Variants in ZMIZ1 observed in about 807,000 individuals in gnomAD.
ZMIZ1 encodes the protein zinc finger MIZ domain-containing protein 1.
In ZMIZ1, 17 loss-of-function variants were observed where a neutral mutation model predicts 113.9. The observed-to-expected ratio is 0.15, with a 90% CI of 0.10 to 0.22. The LOEUF (loss-of-function observed/expected upper bound fraction) is 0.22. Among genes scored for constraint, ZMIZ1 ranks in the 10% least tolerant of loss-of-function variants. ZMIZ1 has a pLI of 1.00. For missense variants in ZMIZ1, 1,059 were observed against 1,477.8 expected, an observed-to-expected ratio of 0.72 and a Z score of 4.65; for synonymous variants, 607 against 603.1, an observed-to-expected ratio of 1.01 and a Z score of -0.09.
chr10:79,185,507 TC>T (rs1469114376), intron 4 of ZMIZ1, among the ~76,000 whole-genome samples: 2 of 148,982 alleles, frequency 1.3e-5, no homozygotes, highest in African/African-American at 5.1e-5. Flanking sequence ...GACTTCTACA[TC>T]TTTTTTTTTT....
At chr10:79,221,870 GC>G (rs1213681300) in intron 7 of ZMIZ1, among the ~76,000 whole-genome samples, 2 of 152,272 alleles carry the variant, frequency 1.3e-5, no homozygotes, top group East Asian at 3.8e-4. Flanking sequence ...GAGCCCGAAT[GC>G]CTGCTGCCTT....
At chr10:79,155,343 CT>C (rs1845867398) in intron 3 of ZMIZ1, among the ~76,000 whole-genome samples, 1 of 152,196 alleles carries the variant, frequency 6.6e-6, no homozygotes, top group Non-Finnish European at 1.5e-5. Flanking sequence ...AGTTCCAGGT[CT>C]GATGCAAACT....
chr10:79,223,825 C>T (rs1849090958), intron 7 of ZMIZ1, among the ~76,000 whole-genome samples: 1 of 152,198 alleles, frequency 6.6e-6, no homozygotes, highest in Non-Finnish European at 1.5e-5. Context: ...TGGCCTCCGT[C>T]CCCTCCCCCA....
intron 7 of ZMIZ1, among the ~76,000 whole-genome samples, chr10:79,262,454 C>A (rs1001973626): frequency 8.5e-5 from 13 of 152,384 alleles, no homozygotes; most frequent in African/African-American, 3.1e-4. Flanking sequence ...ATCCAGACAT[C>A]ACCCCAAGTG....
intron 7 of ZMIZ1, among the ~76,000 whole-genome samples, chr10:79,229,348 G>C (rs1426635710): frequency 6.6e-6 from 1 of 152,256 alleles, no homozygotes; most frequent in Non-Finnish European, 1.5e-5. Context: ...ACAGAACCCA[G>C]AGCTCGGGAA....
rs147729709 is a variant in ZMIZ1, at chr10:79,133,626, A to G, written c.-226-6056A>G. On this transcript the variant is annotated intron_variant, in intron 2 of 24. Coordinates refer to ENST00000334512, the MANE Select transcript of ZMIZ1 (RefSeq NM_020338.4). ...CGCATGCCTGGCCTGAAATAGACAC[A>G]TGGGGACCTTGGTAGTGCATTTTCA... is the stretch of plus-strand genomic sequence containing the variant. 7.2e-4 allele frequency among the ~76,000 whole-genome samples: 109 copies of G among 152,182 alleles called. 1 individual carries two copies. The highest frequency in any genetic ancestry group is 2.3e-3 in the African/African-American group (96 of 41,520).
intron 4 of ZMIZ1, among the ~76,000 whole-genome samples, chr10:79,186,952 T>C (rs991467370): frequency 5.3e-5 from 8 of 152,298 alleles, no homozygotes; most frequent in South Asian, 4.1e-4. Flanking sequence ...CCCTTGGCCC[T>C]TGGCACCTGG....
intron 2 of ZMIZ1, among the ~76,000 whole-genome samples, chr10:79,129,321 A>C (rs775750886): frequency 3.9e-5 from 6 of 152,178 alleles, no homozygotes; most frequent in Non-Finnish European, 7.3e-5. Context: ...TGGTTTTAGC[A>C]TGGAAAATTC....
chr10:79,116,433 C>T (rs897714208), intron 1 of ZMIZ1, among the ~76,000 whole-genome samples: 2 of 152,090 alleles, frequency 1.3e-5, no homozygotes, highest in Admixed American at 1.3e-4. Context: ...ATATGGACAC[C>T]CAGGCAAGGC....
intron 16 of ZMIZ1, among the ~76,000 whole-genome samples, chr10:79,299,578 G>T (rs1250551): frequency 0.29 from 43,841 of 152,192 alleles, 7,257 homozygotes; most frequent in East Asian, 0.41. Flanking sequence ...TGGTGCAAGG[G>T]CCAGGCCGGG....
rs184830162 is a variant in ZMIZ1, at chr10:79,152,623, C to T, written c.-130-9430C>T. Among the ~76,000 whole-genome samples, 12 of 152,364 alleles carry T rather than the reference C, an allele frequency of 7.9e-5. No individual in the cohort carries two copies. In the South Asian group the frequency reaches 1.0e-3, roughly 13 times the overall value. On this transcript the variant is annotated intron_variant, in intron 3 of 24. Transcript: ENST00000334512. ...ATGGCCTCAGACGGGCTGCTTTCTC[C>T]GCCCTGCCCGGATCCCCAGGCAGCA...
chr10:79,181,990 G>A (rs1332957487), intron 4 of ZMIZ1, among the ~76,000 whole-genome samples: 1 of 152,210 alleles, frequency 6.6e-6, no homozygotes, highest in Non-Finnish European at 1.5e-5. Flanking sequence ...AGGAGGAGGA[G>A]CCAGGACTCA....
At position 79,293,429 on chromosome 10, in the gene ZMIZ1, C is replaced by A; in HGVS notation, c.1006C>A (p.Pro336Thr). The A allele has an allele frequency of 6.5e-7, 1 of 1,527,004 alleles. No homozygotes were observed. 94.6% of individuals were successfully genotyped at this position (1,527,004 alleles called of 1,614,324 possible). A position where few individuals can be genotyped will look rare whatever the true frequency, so the allele number is the denominator to read the frequency against. Residue 336 changes from proline (P) to threonine (T), a missense_variant, in exon 12 of 25, where the codon CCG becomes ACG. Pro to Thr is a conservative substitution (Grantham distance 38). Coordinates refer to ENST00000334512, the MANE Select transcript of ZMIZ1 (RefSeq NM_020338.4). Reference sequence around the variant, plus strand: ...CAGCCAATTCATGAACCAGCCCGGGCCGCGGGGGCCTGCCTCCATGGGGGG... The same window carrying A: ...CAGCCAATTCATGAACCAGCCCGGGACGCGGGGGCCTGCCTCCATGGGGGG... ...YNSQFMNQPGPRGPASMGGSM... is the reference protein window; with the variant it reads ...YNSQFMNQPGTRGPASMGGSM...
At chr10:79,218,898 C>T (rs997086574) in intron 7 of ZMIZ1, among the ~76,000 whole-genome samples, 10 of 151,804 alleles carry the variant, frequency 6.6e-5, no homozygotes, top group Non-Finnish European at 1.3e-4. Flanking sequence ...ATGGCAAAGG[C>T]GAGGCTGGAG....
chr10:79,281,200 C>T (rs182517339), intron 8 of ZMIZ1, among the ~76,000 whole-genome samples: 97 of 152,230 alleles, frequency 6.4e-4, no homozygotes, highest in Middle Eastern at 6.8e-3. Flanking sequence ...TGTTCGGTCC[C>T]GGGGTTAAAC....
At chr10:79,275,448 C>T (rs1303419422) in intron 7 of ZMIZ1, among the ~76,000 whole-genome samples, 1 of 152,220 alleles carries the variant, frequency 6.6e-6, no homozygotes, top group Non-Finnish European at 1.5e-5. Context: ...CTTTGTGTAC[C>T]ACACAAGCTG....
chr10:79,275,172 G>A lies in ZMIZ1; in HGVS notation c.281-2009G>A, dbSNP rs891623411. Among the ~76,000 whole-genome samples the A allele has an allele frequency of 3.3e-5, 5 of 152,252 alleles. No individual in the cohort carries two copies. The South Asian group carries it at 1.0e-3, about 31-fold the overall frequency. On this transcript the variant is annotated intron_variant, in intron 7 of 24. Transcript: ENST00000334512. ...CGTTTTTGTGTGTCCTGGCCTGCCCGAATAGGCTGCCTTTCCAGCTGTAGC... is the reference window on the plus strand; with the variant it reads ...CGTTTTTGTGTGTCCTGGCCTGCCCAAATAGGCTGCCTTTCCAGCTGTAGC...
intron 7 of ZMIZ1, among the ~76,000 whole-genome samples, chr10:79,262,663 G>T (rs1851340276): frequency 6.6e-6 from 1 of 152,198 alleles, no homozygotes; most frequent in Non-Finnish European, 1.5e-5. Flanking sequence ...TATAAATTCA[G>T]TCCCTATCTC....
chr10:79,282,472 C>T (rs752420928), intron 8 of ZMIZ1, among the ~76,000 whole-genome samples: 6 of 152,128 alleles, frequency 3.9e-5, no homozygotes, highest in South Asian at 2.1e-4. Flanking sequence ...CGCCCTGCCC[C>T]GAGGGACGGC....
Sources: allele counts gnomAD v4.1 joint callset (sites outside exome capture counted in the v4.1 genomes callset), GRCh38; gene constraint gnomAD v4.1.1; transcripts MANE v1.5; gene names NCBI Gene and HGNC (gene_info 2026-07-23, HGNC 2026-07-21).